Variants in NTSR2 observed in about 807,000 individuals in gnomAD.
NTSR2 encodes neurotensin receptor 2.
A neutral mutation model predicts 24.1 loss-of-function variants in NTSR2; 22 were observed. The observed-to-expected ratio is 0.91, with a 90% confidence interval of 0.65 to 1.30. The LOEUF is 1.30. Among genes scored for constraint, NTSR2 ranks in the 50% most tolerant of loss-of-function variants. NTSR2 has a pLI of 0.00. For missense variants in NTSR2, 570 were observed against 570.4 expected (o/e 1.00, Z 0.01); for synonymous variants, 291 against 267.0 (o/e 1.09, Z -0.88).
In NTSR2 at chr2:11,662,122, C is replaced by A; in HGVS notation, c.743G>T (p.Ser248Ile). Residue 248 changes from serine to isoleucine, a missense_variant, in exon 2 of 4, where the codon AGC becomes ATC. Ser to Ile is a moderately radical substitution (Grantham distance 142). Coordinates refer to ENST00000306928, the MANE Select transcript of NTSR2 (RefSeq NM_012344.4). ...SQVPSTSTPGSSTPSRLELLS... is the reference protein window; with the variant it reads ...SQVPSTSTPGISTPSRLELLS... Reference sequence around the variant, plus strand: ...CAGCTCCAGGCGGCTGGGGGTGGAGCTGCCCGGGGTAGAAGTGGACGGCAC... The same window carrying A: ...CAGCTCCAGGCGGCTGGGGGTGGAGATGCCCGGGGTAGAAGTGGACGGCAC... 1 of 1,612,574 alleles carries A rather than the reference C, an allele frequency of 6.2e-7. No homozygotes were observed. Among genetic ancestry groups the A allele is most frequent in the Non-Finnish European group, 8.5e-7 (1 of 1,179,534 alleles).
chr2:11,660,273 G>T, intron 2 of NTSR2, 140 bp from the exon 3 acceptor site: 1 of 645,552 alleles, frequency 1.5e-6, no homozygotes, highest in Non-Finnish European at 2.8e-6. Context: ...GGGTTGGAAG[G>T]AGGCTTTGAG....
In NTSR2 at chr2:11,658,583, A is replaced by C. The variant is rs1245900793; in HGVS notation, c.1129T>G (p.Cys377Gly). 1.2e-6 allele frequency: 2 copies of C among 1,614,106 alleles called. No homozygotes were observed. The highest frequency in any genetic ancestry group is 1.7e-6 in the Non-Finnish European group (2 of 1,180,052). Residue 377 changes from cysteine to glycine, a missense_variant, in exon 4 of 4, where the codon TGT becomes GGT. By Grantham distance (159) the Cys-to-Gly change is radical (BLOSUM62 -3). Coordinates refer to ENST00000306928, the MANE Select transcript of NTSR2 (RefSeq NM_012344.4). ...CGCTTCATGGGGTGGTGCTCTCCAC[A>C]CAGGGAGCTGACGGCTTCCAGGAAG... ...KLFLEAVSSL[C>G]GEHHPMKRLP...
chr2:11,660,147 G>A lies in NTSR2; in HGVS notation c.899-14C>T. 1 of 1,603,938 alleles carries A rather than the reference G, an allele frequency of 6.2e-7. No homozygotes were observed. The highest frequency in any genetic ancestry group is 8.5e-7 in the Non-Finnish European group (1 of 1,171,794). On this transcript the variant is annotated splice_polypyrimidine_tract_variant and intron_variant, in intron 2 of 3. Transcript: ENST00000306928. ...CCACGATGGCTCCTGCAGAGCATTG[G>A]AAAGGGAGAGACAGCGCCAGGAGAA...
At chr2:11,658,753 G>A (rs1412919579) in intron 3 of NTSR2, 31 bp from the exon 4 acceptor site, 1 of 1,609,000 alleles carries the variant, frequency 6.2e-7, no homozygotes, top group East Asian at 2.2e-5. Context: ...CCTGGTTAGA[G>A]GACCTGTCAC....
chr2:11,659,901 G>T, intron 3 of NTSR2, 142 bp downstream of exon 3: 1 of 616,180 alleles, frequency 1.6e-6, no homozygotes, highest in South Asian at 2.1e-5. Context: ...TCAAGGCACA[G>T]ACTGCACGGG....
Position 11,669,822 on chromosome 2 carries a change from A to T in NTSR2, c.308T>A (p.Phe103Tyr). The T allele has an allele frequency of 6.3e-7, 1 of 1,575,896 alleles. No individual in the cohort carries two copies. The highest frequency in any genetic ancestry group is 8.6e-7 in the Non-Finnish European group (1 of 1,167,980). Residue 103 changes from phenylalanine (F) to tyrosine (Y), a missense_variant, in exon 1 of 4, where the codon TTC becomes TAC. Phe to Tyr is a conservative substitution (Grantham distance 22). Coordinates refer to ENST00000306928, the MANE Select transcript of NTSR2 (RefSeq NM_012344.4). ...SFVWFHYPWVFGDLGCRGYYF... is the reference protein window; with the variant it reads ...SFVWFHYPWVYGDLGCRGYYF... The stretch of plus-strand genomic sequence containing the variant: ...GTAGCCGCGGCAGCCCAGGTCGCCG[A>T]AGACCCAGGGGTAGTGGAACCACAC...
chr2:11,666,657 C>T (rs1016172233), intron 1 of NTSR2, among the ~76,000 whole-genome samples: 3 of 152,194 alleles, frequency 2.0e-5, no homozygotes, highest in African/African-American at 4.8e-5. Context: ...CGAGAATGTG[C>T]GACTGCAATC....
chr2:11,669,878 C>G lies in NTSR2; in HGVS notation c.252G>C (p.Leu84=). Reference sequence around the variant, plus strand: ...TGTAGAGCTCCACCGGCACGCCGACCAGCAGCAGCAGCAGGCCCGCGAGCG... The same window carrying G: ...TGTAGAGCTCCACCGGCACGCCGACGAGCAGCAGCAGCAGGCCCGCGAGCG... ...SLALAGLLLL[L]VGVPVELYSF... is the part of the protein sequence containing the mutation. The change falls in exon 1 of 4, where the codon CTG becomes CTC. Residue 84 remains leucine, a synonymous_variant. Transcript: ENST00000306928. 6.5e-7 allele frequency: 1 copy of G among 1,547,044 alleles called. No individual in the cohort carries two copies. Among genetic ancestry groups the G allele is most frequent in the Non-Finnish European group, 8.7e-7 (1 of 1,150,278 alleles).
At chr2:11,665,441 G>A (rs1034944613) in intron 1 of NTSR2, 1 of 152,218 alleles carries the variant, frequency 6.6e-6, no homozygotes, top group East Asian at 1.9e-4. Context: ...CTGGAATAAT[G>A]TCTTGCCTCG....
intron 1 of NTSR2, 47 bp downstream of exon 1, chr2:11,669,459 C>CGGGGCGGGGGGGG: frequency 3.6e-5 from 12 of 337,888 alleles, no homozygotes; most frequent in Non-Finnish European, 4.7e-5. Context: ...CTCCCAGCAC[C>CGGGGCGGGGGGGG]GCCCCCCCAC....
intron 1 of NTSR2, among the ~76,000 whole-genome samples, chr2:11,665,071 T>TGG (rs1661166443): frequency 1.3e-5 from 2 of 148,748 alleles, no homozygotes; most frequent in Non-Finnish European, 3.0e-5. Context: ...TTTTTTTTTT[T>TGG]TTTTTTTTTT....
chr2:11,662,371 A>G, intron 1 of NTSR2, 131 bp from the exon 2 acceptor site: 1 of 864,180 alleles, frequency 1.2e-6, no homozygotes, highest in Non-Finnish European at 1.6e-6. Flanking sequence ...AAGGTTGAGA[A>G]AGTTCTCAAA....
chr2:11,669,697 T>C lies in NTSR2; in HGVS notation c.433A>G (p.Ser145Gly), dbSNP rs1222867389. ...LAVCQPLRAR[S>G]LLTPRRTRWL... ...CGGGTCCGGCGTGGCGTCAGCAGGC[T>C]GCGGGCACGCAGGGGCTGGCACACG... Residue 145 changes from serine (S) to glycine (G), a missense_variant, in exon 1 of 4, where the codon AGC (serine) becomes GGC (glycine). Physicochemically the swap from Ser to Gly is moderately conservative, Grantham distance 56. Coordinates refer to ENST00000306928, the MANE Select transcript of NTSR2 (RefSeq NM_012344.4). 13 of 1,530,354 alleles carry C rather than the reference T, an allele frequency of 8.5e-6. No homozygotes were observed. Among genetic ancestry groups the C allele is most frequent in the Non-Finnish European group, 1.1e-5 (13 of 1,143,832 alleles). The allele number at this position is 1,530,354 out of a possible 1,614,324, so 94.8% of individuals were successfully genotyped here.
chr2:11,669,641 C>T lies in NTSR2; in HGVS notation c.489G>A (p.Ser163=), dbSNP rs767954013. The change falls in exon 1 of 4, where the codon TCG becomes TCA. Residue 163 remains serine, a synonymous_variant. Transcript: ENST00000306928. ...RWLVALSWAA[S]LGLALPMAVI... ...CGGCCATGGGCAGGGCGAGGCCGAG[C>T]GAGGCGGCCCACGAGAGCGCCACCA... 3.8e-6 allele frequency: 6 copies of T among 1,560,774 alleles called. No homozygotes were observed. The highest frequency in any genetic ancestry group is 2.4e-5 in the East Asian group (1 of 42,488).
At chr2:11,665,433 G>A (rs1661175241) in intron 1 of NTSR2, 1 of 152,210 alleles carries the variant, frequency 6.6e-6, no homozygotes, top group Non-Finnish European at 1.5e-5. Context: ...CAGCAGCTCT[G>A]GAATAATGTC....
intron 1 of NTSR2, 47 bp downstream of exon 1, chr2:11,669,459 C>CGGGGCGGGGGGGGGGGG: frequency 3.0e-6 from 1 of 337,896 alleles, no homozygotes; most frequent in Non-Finnish European, 5.3e-6. Flanking sequence ...CTCCCAGCAC[C>CGGGGCGGGGGGGGGGGG]GCCCCCCCAC....
At chr2:11,666,572 G>A (rs768994802) in intron 1 of NTSR2, among the ~76,000 whole-genome samples, 5 of 152,076 alleles carry the variant, frequency 3.3e-5, no homozygotes, top group Non-Finnish European at 5.9e-5. Flanking sequence ...GGTGGCACGT[G>A]CCTGTAGTCT....
At chr2:11,668,046 G>C (rs1661242373) in intron 1 of NTSR2, among the ~76,000 whole-genome samples, 1 of 152,308 alleles carries the variant, frequency 6.6e-6, no homozygotes, top group South Asian at 2.1e-4. Flanking sequence ...TGGATTCCGG[G>C]GGCAGGACTG....
rs747001406 is a variant in NTSR2, at chr2:11,669,605, C to T, written c.525G>A (p.Gly175=). 1.3e-6 allele frequency: 2 copies of T among 1,584,130 alleles called. No individual in the cohort carries two copies. The highest frequency in any genetic ancestry group is 1.4e-5 in the African/African-American group (1 of 73,668). ...GLALPMAVIM[G]QKHELETADG... The stretch of plus-strand genomic sequence containing the variant: ...CCGCCGTCTCGAGTTCGTGCTTCTG[C>T]CCCATGATGACGGCCATGGGCAGGG... The change falls in exon 1 of 4, where the codon GGG becomes GGA. Residue 175 remains glycine (G), a synonymous_variant. Transcript: ENST00000306928.
Sources: allele counts gnomAD v4.1 joint callset (sites outside exome capture counted in the v4.1 genomes callset), GRCh38; gene constraint gnomAD v4.1.1; transcripts MANE v1.5; gene names NCBI Gene and HGNC (gene_info 2026-07-23, HGNC 2026-07-21).